Variants in DNAH10 observed in about 807,000 individuals in gnomAD.
DNAH10 encodes the protein axonemal beta dynein heavy chain 10.
In DNAH10, 348 loss-of-function variants were observed where a neutral mutation model predicts 506.6. The observed-to-expected ratio is 0.69, with a 90% confidence interval of 0.63 to 0.75. DNAH10 has a LOEUF of 0.75. Among genes scored for constraint, DNAH10 ranks in the 30% least tolerant of loss-of-function variants. DNAH10 has a pLI of 0.00. For synonymous variants in DNAH10, 2,059 were observed against 2,198.6 expected (o/e 0.94, Z 1.78); for missense variants, 5,179 against 5,787.1 (o/e 0.89, Z 3.41).
chr12:123,899,212 T>C (rs1953402372), intron 56 of DNAH10, among the ~76,000 whole-genome samples: 1 of 152,080 alleles, frequency 6.6e-6, no homozygotes, highest in African/African-American at 2.4e-5. Flanking sequence ...CAAGGTTCTT[T>C]CTTGGGCCCC....
Position 123,926,865 on chromosome 12 carries a change from C to G in DNAH10, c.12105+45C>G. On this transcript the variant is annotated intron_variant, in intron 69 of 78. Transcript: ENST00000673944. The surrounding 1 kb of genome is among the most constrained non-coding windows in gnomAD (Gnocchi z 4.1). Reference sequence around the variant, plus strand: ...AACAAGCTCTACGTTTAGGGGAGGTCCCTGGTGTCTGCTAAGAAGGAGCTA... The same window carrying G: ...AACAAGCTCTACGTTTAGGGGAGGTGCCTGGTGTCTGCTAAGAAGGAGCTA... The G allele has an allele frequency of 3.1e-6, 5 of 1,599,704 alleles. No individual in the cohort carries two copies. The highest frequency in any genetic ancestry group is 4.3e-6 in the Non-Finnish European group (5 of 1,175,514).
rs1566131471 is a variant in DNAH10, at chr12:123,934,658, C to G, written c.13515C>G (p.Asp4505Glu). Residue 4505 changes from aspartate (D) to glutamate (E), a missense_variant, in exon 78 of 79, where the codon GAC becomes GAG. Physicochemically the swap from Asp to Glu is conservative, Grantham distance 45. This residue lies in a region of DNAH10 where 4,844 missense variants were observed against 5,430.5 expected (regional missense o/e 0.89). Transcript: ENST00000673944. ...FVSGLYLEGA[D>E]WDIEKGCLIK... Reference sequence around the variant, plus strand: ...CAGGACTGTACCTGGAAGGTGCTGACTGGGATATAGAAAAAGGATGTCTTA... The same window carrying G: ...CAGGACTGTACCTGGAAGGTGCTGAGTGGGATATAGAAAAAGGATGTCTTA... 5 of 1,613,700 alleles carry G rather than the reference C, an allele frequency of 3.1e-6. No individual in the cohort carries two copies. Among genetic ancestry groups the G allele is most frequent in the Non-Finnish European group, 4.2e-6 (5 of 1,179,790 alleles).
At chr12:123,823,406 G>C (rs1441528353) in intron 24 of DNAH10, among the ~76,000 whole-genome samples, 1 of 152,180 alleles carries the variant, frequency 6.6e-6, no homozygotes, top group Non-Finnish European at 1.5e-5. Context: ...CCCAGTGCTG[G>C]CAGAAGGGAT....
intron 54 of DNAH10, among the ~76,000 whole-genome samples, chr12:123,897,345 C>A (rs1333979346): frequency 6.6e-6 from 1 of 152,192 alleles, no homozygotes; most frequent in Non-Finnish European, 1.5e-5. Context: ...CTTTTCAGTT[C>A]TTTGGGGTAT....
rs759176122 is a variant in DNAH10, at chr12:123,877,906, G to A, written c.8370G>A (p.Glu2790=). ...ATGGTCTTGTCCTCACTAACCCGGA[G>A]CGGTGAGTTTGATTTATCTTACTAA... The part of the protein sequence containing the change: ...VFNGLVLTNP[E]RFQTVAQMVR... The change falls in exon 48 of 79, where the codon GAG becomes GAA. Residue 2790 remains glutamate, a splice_region_variant and synonymous_variant. Coordinates refer to ENST00000673944, the MANE Select transcript of DNAH10 (RefSeq NM_001372106.1). 1.9e-6 allele frequency: 3 copies of A among 1,613,042 alleles called. No homozygotes were observed. Among genetic ancestry groups the A allele is most frequent in the South Asian group, 2.2e-5 (2 of 90,788 alleles).
chr12:123,796,833 G>A lies in DNAH10; in HGVS notation c.2163+1G>A, dbSNP rs1280088659. The A allele has an allele frequency of 6.3e-7, 1 of 1,596,280 alleles. No individual in the cohort carries two copies. Among genetic ancestry groups the A allele is most frequent in the Non-Finnish European group, 8.5e-7 (1 of 1,173,422 alleles). ...ACTGGACAGTGATCGAGGACAGGAG[G>A]TATGTTGCTCTTGCTAGAATTGGCT... On this transcript the variant is annotated splice_donor_variant, in intron 13 of 78. Coordinates refer to ENST00000673944, the MANE Select transcript of DNAH10 (RefSeq NM_001372106.1). LOFTEE classifies it high-confidence loss of function.
At position 123,908,703 on chromosome 12, in the gene DNAH10, A is replaced by G. The variant is rs1370360829; in HGVS notation, c.9816-558A>G. On this transcript the variant is annotated intron_variant, in intron 57 of 78. Transcript: ENST00000673944. ...GCAGAGTGATGATCTAGTCTTATCA[A>G]AGCCACAGAACACAATTACGGGGCA... 7.8e-6 allele frequency: 3 copies of G among 385,242 alleles called. No individual in the cohort carries two copies. The East Asian group carries it at 2.2e-4, about 28-fold the overall frequency. 23.9% of individuals were successfully genotyped at this position (385,242 alleles called of 1,614,324 possible).
intron 39 of DNAH10, among the ~76,000 whole-genome samples, chr12:123,863,882 G>A (rs543625122): frequency 6.6e-6 from 1 of 152,274 alleles, no homozygotes; most frequent in East Asian, 1.9e-4. Flanking sequence ...GAAACCAGGG[G>A]TTAAAACCAG....
In DNAH10 at chr12:123,925,353, A is replaced by G; in HGVS notation, c.11921+149A>G. On this transcript the variant is annotated intron_variant, in intron 68 of 78. Coordinates refer to ENST00000673944, the MANE Select transcript of DNAH10 (RefSeq NM_001372106.1). The surrounding 1 kb of genome is among the most constrained non-coding windows in gnomAD (Gnocchi z 4.0). ...TACAATATTCGATAGCCGATATTCT[A>G]GAATTCTTCAATATTCTAGAACAGT... 9.4e-7 allele frequency: 1 copy of G among 1,067,350 alleles called. No homozygotes were observed. Among genetic ancestry groups the G allele is most frequent in the African/African-American group, 1.6e-5 (1 of 62,808 alleles). The allele number at this position is 1,067,350 out of a possible 1,614,324, so 66.1% of individuals were successfully genotyped here.
rs1366551858 is a variant in DNAH10, at chr12:123,838,510, A to G, written c.4957A>G (p.Asn1653Asp). The G allele has an allele frequency of 6.2e-7, 1 of 1,614,034 alleles. No individual in the cohort carries two copies. The highest frequency in any genetic ancestry group is 1.3e-5 in the African/African-American group (1 of 75,058). ...PVIKRCCEAP[N>D]RLSDLQNVSE... is the part of the protein sequence containing the mutation. ...GATCAAGAGGTGCTGTGAAGCCCCA[A>G]ACCGCCTCAGTGACCTACAGAACGT... is the stretch of plus-strand genomic sequence containing the variant. Residue 1653 changes from asparagine to aspartate, a missense_variant, in exon 29 of 79, where the codon AAC (asparagine) becomes GAC (aspartate). Around this residue, in one of 3 missense-constraint regions of DNAH10, gnomAD observed 4,844 missense variants for 5,430.5 expected, o/e 0.89. Transcript: ENST00000673944.
At position 123,851,008 on chromosome 12, in the gene DNAH10, G is replaced by T. The variant is rs551358752; in HGVS notation, c.6223G>T (p.Val2075Leu). The T allele has an allele frequency of 6.2e-7, 1 of 1,613,854 alleles. No individual in the cohort carries two copies. Among genetic ancestry groups the T allele is most frequent in the Admixed American group, 1.7e-5 (1 of 60,012 alleles). ...SVKALFRPVV[V>L]IVPDLQQICE... ...GAAGGCGCTGTTCAGGCCTGTGGTC[G>T]TGATCGTGCCCGACCTGCAGCAGAT... Residue 2075 changes from valine (V) to leucine (L), a missense_variant, in exon 35 of 79, where the codon GTG becomes TTG. Physicochemically the swap from Val to Leu is conservative, Grantham distance 32 (BLOSUM62 1). This residue lies in a region of DNAH10 where 4,844 missense variants were observed against 5,430.5 expected (regional missense o/e 0.89). Coordinates refer to ENST00000673944, the MANE Select transcript of DNAH10 (RefSeq NM_001372106.1).
At chr12:123,825,907 G>T (rs1190020360) in intron 24 of DNAH10, among the ~76,000 whole-genome samples, 1 of 152,124 alleles carries the variant, frequency 6.6e-6, no homozygotes, top group Non-Finnish European at 1.5e-5. Context: ...GATTGCTTGA[G>T]CCCAGGAGTT....
In DNAH10 at chr12:123,925,206, T is replaced by G; in HGVS notation, c.11921+2T>G. ...TGTGACTGTAACAATGGGAGAGAAG[T>G]AAGTGTGTCGTTTTGTTGATTTGCC... On this transcript the variant is annotated splice_donor_variant, in intron 68 of 78. Transcript: ENST00000673944. LOFTEE classifies it high-confidence loss of function. This position sits in a 1 kb window ranked among gnomAD's most constrained non-coding sequence, Gnocchi z 4.0. The G allele has an allele frequency of 6.2e-7, 1 of 1,613,846 alleles. No homozygotes were observed. Among genetic ancestry groups the G allele is most frequent in the Non-Finnish European group, 8.5e-7 (1 of 1,179,784 alleles).
chr12:123,828,904 G>T (rs1331099321), intron 25 of DNAH10, among the ~76,000 whole-genome samples: 1 of 152,160 alleles, frequency 6.6e-6, no homozygotes, highest in African/African-American at 2.4e-5. Context: ...TGAAAGGACT[G>T]GGCGGGAACT....
chr12:123,838,495 T>C lies in DNAH10; in HGVS notation c.4942T>C (p.Cys1648Arg). ...CTTAAAAGACCCCGTGATCAAGAGGTGCTGTGAAGCCCCAAACCGCCTCAG... is the reference window on the plus strand; with the variant it reads ...CTTAAAAGACCCCGTGATCAAGAGGCGCTGTGAAGCCCCAAACCGCCTCAG... ...ETLKDPVIKR[C>R]CEAPNRLSDL... Residue 1648 changes from cysteine (C) to arginine (R), a missense_variant, in exon 29 of 79, where the codon TGC becomes CGC. Cys to Arg is a radical substitution (Grantham distance 180, BLOSUM62 -3). Coordinates refer to ENST00000673944, the MANE Select transcript of DNAH10 (RefSeq NM_001372106.1). The C allele has an allele frequency of 1.9e-6, 3 of 1,613,862 alleles. No homozygotes were observed. The highest frequency in any genetic ancestry group is 2.2e-5 in the South Asian group (2 of 91,056).
At position 123,845,597 on chromosome 12, in the gene DNAH10, CAG is replaced by C. The variant is rs1950917898; in HGVS notation, c.5361_5362del. The C allele has an allele frequency of 6.2e-7, 1 of 1,612,144 alleles. No homozygotes were observed. Among genetic ancestry groups the C allele is most frequent in the East Asian group, 2.2e-5 (1 of 44,866 alleles). On this transcript the variant is annotated splice_acceptor_variant, in intron 30 of 78. Coordinates refer to ENST00000673944, the MANE Select transcript of DNAH10 (RefSeq NM_001372106.1). LOFTEE classifies it high-confidence loss of function. ...GCCTCTTACAGGTGTGCGTTTTCTG[CAG>C]AGTCGACTGGATGCTCCTGTACCAG... is the stretch of plus-strand genomic sequence containing the variant.
At chr12:123,784,657 C>T (rs1276011963) in intron 8 of DNAH10, among the ~76,000 whole-genome samples, 1 of 152,230 alleles carries the variant, frequency 6.6e-6, no homozygotes, top group Non-Finnish European at 1.5e-5. Flanking sequence ...ATACACAATG[C>T]TGTGTGTCCA....
rs201453347 is a variant in DNAH10, at chr12:123,850,974, C to T, written c.6189C>T (p.Pro2063=). The part of the protein sequence containing the change: ...NPGYAGRTEL[P]ESVKALFRPV... ...GCTACGCAGGCCGCACGGAGCTGCC[C>T]GAGTCGGTGAAGGCGCTGTTCAGGC... Residue 2063 remains proline, a synonymous_variant, in exon 35 of 79, where the codon CCC becomes CCT. Transcript: ENST00000673944. This position sits in a 1 kb window ranked among gnomAD's most constrained non-coding sequence, Gnocchi z 5.5. 58 of 1,614,042 alleles carry T rather than the reference C, an allele frequency of 3.6e-5. No individual in the cohort carries two copies. In the Admixed American group the frequency reaches 6.0e-4, roughly 17 times the overall value.
intron 38 of DNAH10, 135 bp downstream of exon 38, chr12:123,859,403 C>T: frequency 1.5e-6 from 1 of 663,020 alleles, no homozygotes; most frequent in Non-Finnish European, 2.4e-6. Context: ...CCCCTTTCGA[C>T]TCAGCGTGTT....
Sources: allele counts gnomAD v4.1 joint callset (sites outside exome capture counted in the v4.1 genomes callset), GRCh38; gene constraint gnomAD v4.1.1; regional missense constraint gnomAD v4.1.1; non-coding constraint Gnocchi (gnomAD v3.1); transcripts MANE v1.5; gene names NCBI Gene and HGNC (gene_info 2026-07-23, HGNC 2026-07-21).